The following KCNIP4 variants were observed in gnomAD, a reference collection of about 807,000 sequenced individuals.
The protein encoded by KCNIP4 is Kv channel-interacting protein 4.
In KCNIP4, 12 loss-of-function variants were observed where a neutral mutation model predicts 34.0. The observed-to-expected ratio is 0.35, with a 90% CI of 0.23 to 0.57. KCNIP4 has a LOEUF of 0.57. KCNIP4 is among the 20% of genes least tolerant of loss of function. The pLI is 0.83. For missense variants in KCNIP4, 238 were observed against 311.7 expected (o/e 0.76, Z 1.78); for synonymous variants, 124 against 102.2 (o/e 1.21, Z -1.29).
intron 1 of KCNIP4, among the ~76,000 whole-genome samples, chr4:21,550,919 G>A (rs1380293682): frequency 2.6e-5 from 4 of 152,074 alleles, no homozygotes; most frequent in South Asian, 4.1e-4. Context: ...CTCCCCTTCC[G>A]TAGTCAGTTG....
rs1172096385 is a variant in KCNIP4 at position 20,729,630 on chromosome 4, T to C, written c.*452A>G. 6.7e-6 allele frequency: 1 copy of C among 149,190 alleles called. No individual in the cohort carries two copies. Among genetic ancestry groups the C allele is most frequent in the Non-Finnish European group, 1.5e-5 (1 of 67,558 alleles). 9.2% of individuals were successfully genotyped at this position (149,190 alleles called of 1,614,324 possible). On this transcript the variant is annotated 3_prime_UTR_variant, in exon 9 of 9. Transcript: ENST00000382152. ...TATATAAATGGAATTTAAATGGAAT[T>C]ACAGCATTCAAACATGAAAATTAAT...
intron 1 of KCNIP4, among the ~76,000 whole-genome samples, chr4:21,266,115 G>A (rs1193989885): frequency 6.6e-6 from 1 of 152,158 alleles, no homozygotes; most frequent in Non-Finnish European, 1.5e-5. Flanking sequence ...ATGTCAAGAG[G>A]TAGAGCAGAA....
chr4:21,042,481 G>A (rs1310566233), intron 1 of KCNIP4, among the ~76,000 whole-genome samples: 1 of 152,148 alleles, frequency 6.6e-6, no homozygotes, highest in Admixed American at 6.6e-5. Flanking sequence ...CTAAAAAGTT[G>A]CTTTCATAGA....
At chr4:21,400,998 TA>T in intron 1 of KCNIP4, among the ~76,000 whole-genome samples, 1 of 152,102 alleles carries the variant, frequency 6.6e-6, no homozygotes, top group Non-Finnish European at 1.5e-5. Flanking sequence ...CCGTCTCTAC[TA>T]AAAATACAAA....
At chr4:21,608,792 T>C (rs905438467) in intron 1 of KCNIP4, 2 of 152,216 alleles carry the variant, frequency 1.3e-5, no homozygotes, top group African/African-American at 4.8e-5. Flanking sequence ...AATTTTTGCT[T>C]CTAATTTTCT....
intron 3 of KCNIP4, among the ~76,000 whole-genome samples, chr4:20,770,329 G>C (rs765500452): frequency 4.6e-5 from 7 of 152,156 alleles, no homozygotes; most frequent in Non-Finnish European, 7.3e-5. Flanking sequence ...TTTTTTATGA[G>C]TGCTAAGAAT....
In KCNIP4 at chr4:20,729,990, C is replaced by T. The variant is rs553421302; in HGVS notation, c.*92G>A. ...TTGCATAATATGCTTCAGTGTCAAG[C>T]TGAGCAATCTATGCTAAAAGTGGTA... On this transcript the variant is annotated 3_prime_UTR_variant, in exon 9 of 9. Coordinates refer to ENST00000382152, the MANE Select transcript of KCNIP4 (RefSeq NM_025221.6). 1.4e-6 allele frequency: 2 copies of T among 1,417,252 alleles called. No individual in the cohort carries two copies. The highest frequency in any genetic ancestry group is 1.5e-5 in the South Asian group (1 of 64,728). 87.8% of individuals were successfully genotyped at this position (1,417,252 alleles called of 1,614,324 possible).
intron 5 of KCNIP4, among the ~76,000 whole-genome samples, chr4:20,745,926 C>A (rs1315313507): frequency 2.0e-5 from 3 of 152,116 alleles, no homozygotes; most frequent in Non-Finnish European, 4.4e-5. Context: ...GAAAAATTCC[C>A]CCAACTAGTG....
chr4:21,528,704 A>C, intron 1 of KCNIP4, among the ~76,000 whole-genome samples: 2 of 248 alleles, frequency 8.1e-3, no homozygotes, highest in African/African-American at 0.021. Flanking sequence ...AGAAAGAAAG[A>C]AAGAAAGAAA....
chr4:20,871,015 T>A (rs1448295950), intron 2 of KCNIP4, among the ~76,000 whole-genome samples: 3 of 152,170 alleles, frequency 2.0e-5, no homozygotes, highest in African/African-American at 7.2e-5. Context: ...TCTTTGAATA[T>A]CTGTCATTTC....
At chr4:21,146,405 G>GAA (rs5856606) in intron 1 of KCNIP4, among the ~76,000 whole-genome samples, 5 of 149,616 alleles carry the variant, frequency 3.3e-5, no homozygotes, top group African/African-American at 9.8e-5. Flanking sequence ...TCAAAAAAAA[G>GAA]AAAAAAAAAA....
intron 1 of KCNIP4, among the ~76,000 whole-genome samples, chr4:20,914,056 C>A (rs538949806): frequency 3.9e-5 from 6 of 151,952 alleles, no homozygotes; most frequent in Admixed American, 2.0e-4. Context: ...ACTGGGGAGG[C>A]TGAGGCAGGA....
intron 1 of KCNIP4, among the ~76,000 whole-genome samples, chr4:21,265,180 G>A (rs529359760): frequency 6.6e-6 from 1 of 152,044 alleles, no homozygotes; most frequent in South Asian, 2.1e-4. Flanking sequence ...AATGAAAGAA[G>A]TGAGAGGAAA....
Position 20,876,863 on chromosome 4 carries a change from C to T in KCNIP4, c.163+5745G>A, listed in dbSNP as rs368231453. On this transcript the variant is annotated intron_variant, in intron 2 of 8. Transcript: ENST00000382152. The stretch of plus-strand genomic sequence containing the variant: ...CTGGGATTACAGGCGTGAGCCACCG[C>T]GCCTGGCCCATGAAGAAATCTTATA... 2.0e-4 allele frequency among the ~76,000 whole-genome samples: 30 copies of T among 152,236 alleles called. 1 individual carries two copies. In the South Asian group the frequency reaches 2.9e-3, roughly 15 times the overall value.
At chr4:20,985,315 T>G (rs78374086) in intron 1 of KCNIP4, among the ~76,000 whole-genome samples, 2,942 of 152,312 alleles carry the variant, frequency 0.019, 98 homozygotes, top group African/African-American at 0.067. Context: ...TTAAATGTGA[T>G]CACAATAATA....
intron 5 of KCNIP4, among the ~76,000 whole-genome samples, chr4:20,742,743 G>T (rs982455960): frequency 1.3e-5 from 2 of 152,054 alleles, no homozygotes; most frequent in African/African-American, 4.8e-5. Context: ...GGAAATAAAG[G>T]GTATTCAATT....
chr4:20,890,720 C>T (rs896492373), intron 1 of KCNIP4, among the ~76,000 whole-genome samples: 3 of 151,992 alleles, frequency 2.0e-5, no homozygotes, highest in Admixed American at 2.0e-4. Flanking sequence ...TGAAGTAATA[C>T]AAAAAGATAA....
intron 1 of KCNIP4, among the ~76,000 whole-genome samples, chr4:21,607,303 T>C (rs552905448): frequency 1.3e-5 from 2 of 152,242 alleles, no homozygotes; most frequent in African/African-American, 4.8e-5. Flanking sequence ...AATGTGTTAA[T>C]ATATGAAATG....
chr4:21,431,614 T>C (rs1406621783), intron 1 of KCNIP4, among the ~76,000 whole-genome samples: 2 of 152,002 alleles, frequency 1.3e-5, no homozygotes, highest in Non-Finnish European at 2.9e-5. Flanking sequence ...CCAGATAAGG[T>C]TGACATATTA....
Sources: gnomAD v4.1 joint callset for allele counts (sites outside exome capture counted in the v4.1 genomes callset) on GRCh38, gnomAD v4.1.1 for gene constraint, MANE v1.5 for transcripts, NCBI Gene and HGNC (gene_info 2026-07-23, HGNC 2026-07-21) for gene names.